The following DYNC2H1 variants were observed in gnomAD, a reference collection of about 807,000 sequenced individuals.
DYNC2H1 encodes the protein dynein cytoplasmic 2 heavy chain 1, also known as cytoplasmic dynein 2 heavy chain 1.
Under a neutral mutation model 570.0 loss-of-function variants are expected in DYNC2H1, and 410 were observed. That is an observed-to-expected ratio of 0.72 (90% CI 0.66 to 0.78). The LOEUF is 0.78. DYNC2H1 is among the 30% of genes least tolerant of loss of function. The probability of loss-of-function intolerance (pLI) is 0.00; values close to 1 mark genes in which losing one functional copy is unlikely to be tolerated. For synonymous variants in DYNC2H1, 1,688 were observed against 1,677.6 expected, an observed-to-expected ratio of 1.01 and a Z score of -0.15; for missense variants, 4,865 against 5,046.4, an observed-to-expected ratio of 0.96 and a Z score of 1.09.
In DYNC2H1 at chr11:103,399,824, A is replaced by C; in HGVS notation, c.12318A>C (p.Leu4106Phe). The change falls in exon 84 of 89, where the codon TTA (leucine) becomes TTC (phenylalanine). Residue 4106 changes from leucine (L) to phenylalanine (F), a missense_variant. By Grantham distance (22) the Leu-to-Phe change is conservative. This residue lies in a region of DYNC2H1 where 2,401 missense variants were observed against 2,454.6 expected (regional missense o/e 0.98). Coordinates refer to ENST00000375735, the MANE Select transcript of DYNC2H1 (RefSeq NM_001377.3). ...ALSKVIRGTT[L>F]LSSEVQKLAS... Reference sequence around the variant, plus strand: ...GCAAAGTCATCAGAGGAACTACTTTACTGAGTTCAGAAGTACAAAAATTGG... The same window carrying C: ...GCAAAGTCATCAGAGGAACTACTTTCCTGAGTTCAGAAGTACAAAAATTGG... 1 of 1,613,980 alleles carries C rather than the reference A, an allele frequency of 6.2e-7. No individual in the cohort carries two copies. Among genetic ancestry groups the C allele is most frequent in the Non-Finnish European group, 8.5e-7 (1 of 1,179,862 alleles).
At chr11:103,339,326 T>C (rs1187706142) in intron 82 of DYNC2H1, among the ~76,000 whole-genome samples, 7 of 152,162 alleles carry the variant, frequency 4.6e-5, no homozygotes, top group African/African-American at 1.7e-4. Flanking sequence ...CCAAGGCCCA[T>C]GGCCACCACC....
At position 103,158,744 on chromosome 11, in the gene DYNC2H1, A is replaced by C; in HGVS notation, c.4195A>C (p.Asn1399His). 2.0e-6 allele frequency: 3 copies of C among 1,518,782 alleles called. No individual in the cohort carries two copies. Among genetic ancestry groups the C allele is most frequent in the Non-Finnish European group, 2.7e-6 (3 of 1,121,292 alleles). The allele number at this position is 1,518,782 out of a possible 1,614,324, so 94.1% of individuals were successfully genotyped here. A position where few individuals can be genotyped will look rare whatever the true frequency, so the allele number is the denominator to read the frequency against. ...ATTAACTACTCATGCTGGAATAAGA[A>C]ATTCTCTACTAACAATACTTGATCA... ...TTLTTHAGIR[N>H]SLLTILDQLQ... The change falls in exon 27 of 89, where the codon AAT becomes CAT. Residue 1399 changes from asparagine to histidine, a missense_variant. This residue lies in a region of DYNC2H1 where 1,936 missense variants were observed against 1,962.1 expected (regional missense o/e 0.99). Coordinates refer to ENST00000375735, the MANE Select transcript of DYNC2H1 (RefSeq NM_001377.3).
rs1944925899 is a variant in DYNC2H1, at chr11:103,459,457, A to G, written c.12648+3101A>G. ...TATTCTAGTAGAATGTAAGTCCCGCAAGAGTAGTAACAATAGCCGTTACAT... is the reference window on the plus strand; with the variant it reads ...TATTCTAGTAGAATGTAAGTCCCGCGAGAGTAGTAACAATAGCCGTTACAT... On this transcript the variant is annotated intron_variant, in intron 87 of 88. Coordinates refer to ENST00000375735, the MANE Select transcript of DYNC2H1 (RefSeq NM_001377.3). Among the ~76,000 whole-genome samples the G allele has an allele frequency of 2.0e-5, 3 of 152,234 alleles. No individual in the cohort carries two copies. The South Asian group carries it at 6.2e-4, about 32-fold the overall frequency.
Position 103,129,671 on chromosome 11 carries a change from G to A in DYNC2H1, c.1953+666G>A, listed in dbSNP as rs1386228888. On this transcript the variant is annotated intron_variant, in intron 13 of 88. Coordinates refer to ENST00000375735, the MANE Select transcript of DYNC2H1 (RefSeq NM_001377.3). The surrounding 1 kb of genome is among the most constrained non-coding windows in gnomAD (Gnocchi z 4.1). ...TGCACTCTAGCCTGGGAGACAGAGC[G>A]ACTCCATCTCAAAAAAAAAGAAAAA... Among the ~76,000 whole-genome samples, 2 of 151,226 alleles carry A rather than the reference G, an allele frequency of 1.3e-5. No homozygotes were observed. Among genetic ancestry groups the A allele is most frequent in the African/African-American group, 2.4e-5 (1 of 41,110 alleles).
intron 82 of DYNC2H1, among the ~76,000 whole-genome samples, chr11:103,352,316 A>C: frequency 6.6e-6 from 1 of 151,942 alleles, no homozygotes; most frequent in East Asian, 1.9e-4. Context: ...GTAATTTATA[A>C]GTTTTACTCA....
Position 103,133,603 on chromosome 11 carries a change from C to A in DYNC2H1, c.2002C>A (p.Pro668Thr). Reference sequence around the variant, plus strand: ...GAAATCACAGATAACTTGGGATAATCCTAAAGAATTAGAAGGCTATATCCA... The same window carrying A: ...GAAATCACAGATAACTTGGGATAATACTAAAGAATTAGAAGGCTATATCCA... Reference protein sequence around the residue: ...GGKSQITWDNPKELEGYIQKL... With the variant: ...GGKSQITWDNTKELEGYIQKL... The change falls in exon 14 of 89, where the codon CCT becomes ACT. Residue 668 changes from proline to threonine, a missense_variant. Around this residue, in one of 5 missense-constraint regions of DYNC2H1, gnomAD observed 1,936 missense variants for 1,962.1 expected, o/e 0.99. Transcript: ENST00000375735. This position sits in a 1 kb window ranked among gnomAD's most constrained non-coding sequence, Gnocchi z 4.8. 1 of 1,611,236 alleles carries A rather than the reference C, an allele frequency of 6.2e-7. No individual in the cohort carries two copies. The highest frequency in any genetic ancestry group is 8.5e-7 in the Non-Finnish European group (1 of 1,179,202).
chr11:103,234,073 T>G lies in DYNC2H1; in HGVS notation c.9480T>G (p.Ala3160=). ...SRTSEAAKLE[A]EVSKAQETIK... ...CTTCAGAAGCTGCCAAACTTGAGGC[T>G]GAAGTAAGCAAGGCACAAGAAACAA... The change falls in exon 61 of 89, where the codon GCT becomes GCG. Residue 3160 remains alanine, a synonymous_variant. Coordinates refer to ENST00000375735, the MANE Select transcript of DYNC2H1 (RefSeq NM_001377.3). 6.4e-7 allele frequency: 1 copy of G among 1,563,810 alleles called. No individual in the cohort carries two copies. The highest frequency in any genetic ancestry group is 2.4e-5 in the East Asian group (1 of 42,360).
chr11:103,328,478 G>A (rs183049735), intron 82 of DYNC2H1, among the ~76,000 whole-genome samples: 2 of 152,206 alleles, frequency 1.3e-5, no homozygotes, highest in Admixed American at 1.3e-4. Context: ...CACCATGCCT[G>A]TCAATGTACT....
chr11:103,412,821 TTATTA>T (rs1233228020), intron 84 of DYNC2H1, among the ~76,000 whole-genome samples: 16 of 152,320 alleles, frequency 1.1e-4, no homozygotes, highest in Middle Eastern at 3.4e-3. Flanking sequence ...ATATAGAACT[TTATTA>T]TATAATTTTG....
chr11:103,187,375 C>T lies in DYNC2H1; in HGVS notation c.6929C>T (p.Ser2310Phe). 6.2e-7 allele frequency: 1 copy of T among 1,613,048 alleles called. No homozygotes were observed. Among genetic ancestry groups the T allele is most frequent in the East Asian group, 2.2e-5 (1 of 44,822 alleles). ...AGGTACGCATTTTCACAACTCCGGT[C>T]CACTCAAATTGCTACAGTTCACTGT... ...LLRYAFSQLR[S>F]TQIATVHCSA... Residue 2310 changes from serine to phenylalanine, a missense_variant, in exon 43 of 89, where the codon TCC (serine) becomes TTC (phenylalanine). Physicochemically the swap from Ser to Phe is radical, Grantham distance 155 (BLOSUM62 -2). This residue lies in a region of DYNC2H1 where 2,401 missense variants were observed against 2,454.6 expected (regional missense o/e 0.98). Coordinates refer to ENST00000375735, the MANE Select transcript of DYNC2H1 (RefSeq NM_001377.3).
At chr11:103,381,528 C>T (rs570051139) in intron 83 of DYNC2H1, among the ~76,000 whole-genome samples, 6 of 152,316 alleles carry the variant, frequency 3.9e-5, no homozygotes, top group African/African-American at 1.4e-4. Context: ...CGGCTCACTG[C>T]AACCTCCACC....
Position 103,165,996 on chromosome 11 carries a change from G to A in DYNC2H1, c.4710G>A (p.Lys1570=). 4 of 1,535,834 alleles carry A rather than the reference G, an allele frequency of 2.6e-6. No homozygotes were observed. The highest frequency in any genetic ancestry group is 1.3e-5 in the South Asian group (1 of 79,758). Reference sequence around the variant, plus strand: ...AGATTGAAACACAACTGGTGAATAAGTTAGAGCAATATACTAACATTGATA... The same window carrying A: ...AGATTGAAACACAACTGGTGAATAAATTAGAGCAATATACTAACATTGATA... The part of the protein sequence containing the change: ...LHQIETQLVN[K]LEQYTNIDTS... The change falls in exon 31 of 89, where the codon AAG becomes AAA. Residue 1570 remains lysine (K), a synonymous_variant. Coordinates refer to ENST00000375735, the MANE Select transcript of DYNC2H1 (RefSeq NM_001377.3).
intron 50 of DYNC2H1, among the ~76,000 whole-genome samples, chr11:103,202,294 A>T (rs75586102): frequency 0.089 from 11,831 of 132,640 alleles, 722 homozygotes; most frequent in Non-Finnish European, 0.12. Flanking sequence ...AGAAACACAG[A>T]TTTTTTTTTT....
At chr11:103,146,384 C>G (rs1860241400) in intron 18 of DYNC2H1, among the ~76,000 whole-genome samples, 1 of 152,056 alleles carries the variant, frequency 6.6e-6, no homozygotes, top group African/African-American at 2.4e-5. Context: ...ATCAGCTTCT[C>G]TTTGGTTAGG....
chr11:103,153,285 A>T lies in DYNC2H1; in HGVS notation c.3097-18A>T, dbSNP rs1860654987. The T allele has an allele frequency of 6.6e-7, 1 of 1,513,194 alleles. No individual in the cohort carries two copies. Among genetic ancestry groups the T allele is most frequent in the Admixed American group, 2.5e-5 (1 of 40,104 alleles). The allele number at this position is 1,513,194 out of a possible 1,614,324, so 93.7% of individuals were successfully genotyped here. A position where few individuals can be genotyped will look rare whatever the true frequency, so the allele number is the denominator to read the frequency against. Reference sequence around the variant, plus strand: ...ATTTTACTCTGCATTAAATTATTTAAATTTTATTGGCTTATAGATTGAAGT... The same window carrying T: ...ATTTTACTCTGCATTAAATTATTTATATTTTATTGGCTTATAGATTGAAGT... On this transcript the variant is annotated intron_variant, in intron 21 of 88. Transcript: ENST00000375735.
rs534175107 is a variant in DYNC2H1 at position 103,201,468 on chromosome 11, C to T, written c.8197+1314C>T. Among the ~76,000 whole-genome samples the T allele has an allele frequency of 5.3e-5, 8 of 152,188 alleles. No individual in the cohort carries two copies. The East Asian group carries it at 5.8e-4, about 11-fold the overall frequency. On this transcript the variant is annotated intron_variant, in intron 50 of 88. Transcript: ENST00000375735. This position sits in a 1 kb window ranked among gnomAD's most constrained non-coding sequence, Gnocchi z 4.8. Reference sequence around the variant, plus strand: ...TCAGCATTTCTCACCCCTAATTGCACGTTAGAATCACTAGGATAATTAAAA... The same window carrying T: ...TCAGCATTTCTCACCCCTAATTGCATGTTAGAATCACTAGGATAATTAAAA...
chr11:103,451,106 A>G (rs185351997), intron 85 of DYNC2H1, among the ~76,000 whole-genome samples: 58 of 152,144 alleles, frequency 3.8e-4, no homozygotes, highest in African/African-American at 1.2e-3. Flanking sequence ...TTCCAATACC[A>G]GTTTTTATTG....
chr11:103,115,726 C>T lies in DYNC2H1; in HGVS notation c.621+431C>T, dbSNP rs545422302. Among the ~76,000 whole-genome samples the T allele has an allele frequency of 2.6e-5, 4 of 152,136 alleles. No individual in the cohort carries two copies. In the East Asian group the frequency reaches 7.7e-4, roughly 29 times the overall value. On this transcript the variant is annotated intron_variant, in intron 4 of 88. Coordinates refer to ENST00000375735, the MANE Select transcript of DYNC2H1 (RefSeq NM_001377.3). The stretch of plus-strand genomic sequence containing the variant: ...ACCTGAACCTGAGAGGTGGAGGTTG[C>T]AGTGAGCGGAGATCGTGCCATTGCA...
intron 58 of DYNC2H1, among the ~76,000 whole-genome samples, chr11:103,222,385 C>G (rs1448593543): frequency 6.6e-6 from 1 of 152,034 alleles, no homozygotes; most frequent in Non-Finnish European, 1.5e-5. Flanking sequence ...TTTGTATCTG[C>G]TGTTAATGTT....
Sources: gnomAD v4.1 joint callset for allele counts (sites outside exome capture counted in the v4.1 genomes callset) on GRCh38, gnomAD v4.1.1 for gene constraint, gnomAD v4.1.1 regional missense constraint, Gnocchi (gnomAD v3.1) non-coding constraint, MANE v1.5 for transcripts, NCBI Gene and HGNC (gene_info 2026-07-23, HGNC 2026-07-21) for gene names.